YIPF4: variants seen among roughly 807,000 people sequenced by gnomAD.
YIPF4 encodes Yip1 domain family member 4, also known as protein YIPF4.
In YIPF4, 18 loss-of-function variants were observed where a neutral mutation model predicts 29.4. That is an observed-to-expected ratio of 0.61 (90% CI 0.42 to 0.91). YIPF4 has a LOEUF of 0.91. Among genes scored for constraint, YIPF4 ranks in the 40% least tolerant of loss-of-function variants. The pLI, the probability that YIPF4 is intolerant of heterozygous loss-of-function variation, is 0.00. For synonymous variants in YIPF4, 115 were observed against 104.7 expected, an observed-to-expected ratio of 1.10 and a Z score of -0.60; for missense variants, 279 against 282.7, an observed-to-expected ratio of 0.99 and a Z score of 0.09.
At chr2:32,291,548 A>T (rs2030914798) in intron 2 of YIPF4, among the ~76,000 whole-genome samples, 1 of 152,164 alleles carries the variant, frequency 6.6e-6, no homozygotes, top group Admixed American at 6.5e-5. Context: ...TTGTCTCAAA[A>T]ACAAAGAAAC....
intron 5 of YIPF4, among the ~76,000 whole-genome samples, 194 bp downstream of exon 5, chr2:32,301,689 G>T (rs1003711970): frequency 6.6e-6 from 1 of 152,036 alleles, no homozygotes; most frequent in Non-Finnish European, 1.5e-5. Context: ...AGATATTACT[G>T]TTTGTCTGGG....
rs978256043 is a variant in YIPF4 at position 32,312,687 on chromosome 2, A to G, written c.*7061A>G. On this transcript the variant is annotated 3_prime_UTR_variant, in exon 6 of 6. Transcript: ENST00000238831. ...CTGTGCTGAGTGTAGGGATACAGTGATAATGCAAAAAAGACCCCCAATAGG... is the reference window on the plus strand; with the variant it reads ...CTGTGCTGAGTGTAGGGATACAGTGGTAATGCAAAAAAGACCCCCAATAGG... 1 of 150,996 alleles carries G rather than the reference A, an allele frequency of 6.6e-6. No homozygotes were observed. Among genetic ancestry groups the G allele is most frequent in the African/African-American group, 2.4e-5 (1 of 41,020 alleles). 9.4% of individuals were successfully genotyped at this position (150,996 alleles called of 1,614,324 possible). A position where few individuals can be genotyped will look rare whatever the true frequency, so the allele number is the denominator to read the frequency against.
At chr2:32,285,064 T>A (rs1286004721) in intron 1 of YIPF4, among the ~76,000 whole-genome samples, 1 of 152,164 alleles carries the variant, frequency 6.6e-6, no homozygotes, top group Non-Finnish European at 1.5e-5. Flanking sequence ...GGGCAGTTTG[T>A]ACACCATTAT....
At chr2:32,290,685 G>A in intron 2 of YIPF4, 49 bp downstream of exon 2, 1 of 1,239,136 alleles carries the variant, frequency 8.1e-7, no homozygotes, top group Non-Finnish European at 1.0e-6. Context: ...GCTAGTCTGT[G>A]GGATGATTAT....
In YIPF4 at chr2:32,312,198, T is replaced by G. The variant is rs373298510; in HGVS notation, c.*6572T>G. The G allele has an allele frequency of 2.6e-5, 4 of 152,042 alleles. No homozygotes were observed. The East Asian group carries it at 7.7e-4, about 29-fold the overall frequency. The allele number at this position is 152,042 out of a possible 1,614,324, so 9.4% of individuals were successfully genotyped here. ...AATAAAATCTTTTACCTTATAAAAA[T>G]CTATTTTCGGCCAGGCGCGGTGGCT... On this transcript the variant is annotated 3_prime_UTR_variant, in exon 6 of 6. Coordinates refer to ENST00000238831, the MANE Select transcript of YIPF4 (RefSeq NM_032312.4).
Position 32,309,030 on chromosome 2 carries a change from C to CAAAAAAA in YIPF4, c.*3418_*3424dup, listed in dbSNP as rs1236684141. On this transcript the variant is annotated 3_prime_UTR_variant, in exon 6 of 6. Transcript: ENST00000238831. The stretch of plus-strand genomic sequence containing the variant: ...TAGGTGACAGAGTGAGACTCCGTCT[C>CAAAAAAA]AAAAAAAAAAAAAAAAAAAATCAAA... The CAAAAAAA allele has an allele frequency of 2.4e-5, 2 of 83,438 alleles. No individual in the cohort carries two copies. Among genetic ancestry groups the CAAAAAAA allele is most frequent in the Non-Finnish European group, 2.6e-5 (1 of 38,250 alleles). The allele number at this position is 83,438 out of a possible 1,614,324, so 5.2% of individuals were successfully genotyped here. A position where few individuals can be genotyped will look rare whatever the true frequency, so the allele number is the denominator to read the frequency against.
intron 3 of YIPF4, among the ~76,000 whole-genome samples, chr2:32,294,080 C>G (rs1363702616): frequency 2.7e-5 from 4 of 145,656 alleles, no homozygotes; most frequent in Non-Finnish European, 6.1e-5. Context: ...GCAGAGGCGC[C>G]CCTCACCTCC....
intron 5 of YIPF4, among the ~76,000 whole-genome samples, chr2:32,304,647 G>T (rs564724163): frequency 1.3e-5 from 2 of 152,200 alleles, no homozygotes; most frequent in African/African-American, 4.8e-5. Context: ...CAATGCACAG[G>T]ATAGCTCCCC....
intron 4 of YIPF4, among the ~76,000 whole-genome samples, chr2:32,301,135 A>T (rs1481194589): frequency 1.3e-5 from 2 of 152,190 alleles, no homozygotes; most frequent in East Asian, 1.9e-4. Flanking sequence ...GAGAGAGGTA[A>T]ATGCTGGAAA....
In YIPF4 at chr2:32,301,427, C is replaced by T. The variant is rs767705840; in HGVS notation, c.529C>T (p.Pro177Ser). ...TGGAGTTATAGGATATTCATTACTT[C>T]CTCTCATTGTAATAGCCCCTGTACT... The part of the protein sequence containing the change: ...VLGVIGYSLL[P>S]LIVIAPVLLV... The change falls in exon 5 of 6, where the codon CCT becomes TCT. Residue 177 changes from proline to serine, a missense_variant. Physicochemically the swap from Pro to Ser is moderately conservative, Grantham distance 74. Coordinates refer to ENST00000238831, the MANE Select transcript of YIPF4 (RefSeq NM_032312.4). 7 of 1,613,730 alleles carry T rather than the reference C, an allele frequency of 4.3e-6. No individual in the cohort carries two copies. In the South Asian group the frequency reaches 6.6e-5, roughly 15 times the overall value.
rs1339345590 is a variant in YIPF4 at position 32,300,786 on chromosome 2, C to T, written c.484-596C>T. Among the ~76,000 whole-genome samples, 8 of 152,186 alleles carry T rather than the reference C, an allele frequency of 5.3e-5. No homozygotes were observed. In the East Asian group the frequency reaches 1.2e-3, roughly 22 times the overall value. Reference sequence around the variant, plus strand: ...CTGACACCTTACTAGCTTTGCTTTCCGGAGCAAAGCAGTGTTTCTCTCTAA... The same window carrying T: ...CTGACACCTTACTAGCTTTGCTTTCTGGAGCAAAGCAGTGTTTCTCTCTAA... On this transcript the variant is annotated intron_variant, in intron 4 of 5. Transcript: ENST00000238831.
intron 3 of YIPF4, among the ~76,000 whole-genome samples, chr2:32,295,872 G>A (rs561186213): frequency 6.6e-6 from 1 of 152,072 alleles, no homozygotes; most frequent in African/African-American, 2.4e-5. Flanking sequence ...CAAAGTGCTG[G>A]GATTACAGGT....
chr2:32,299,132 G>T (rs1391865705), intron 4 of YIPF4, among the ~76,000 whole-genome samples: 4 of 152,130 alleles, frequency 2.6e-5, no homozygotes, highest in African/African-American at 9.6e-5. Context: ...CCTCAGCCTC[G>T]CAAAGTGCTA....
intron 5 of YIPF4, among the ~76,000 whole-genome samples, chr2:32,302,223 G>T (rs2031430921): frequency 2.0e-5 from 3 of 150,358 alleles, no homozygotes; most frequent in Non-Finnish European, 1.5e-5. Flanking sequence ...TAGAGACAGG[G>T]TTTCACCGTA....
At chr2:32,296,213 C>T (rs545500608) in intron 3 of YIPF4, among the ~76,000 whole-genome samples, 3 of 152,106 alleles carry the variant, frequency 2.0e-5, no homozygotes, top group Middle Eastern at 3.4e-3. Flanking sequence ...TACGGCTGGG[C>T]GCAGTGGCTC....
chr2:32,282,621 A>G (rs976570286), intron 1 of YIPF4, among the ~76,000 whole-genome samples: 8 of 151,962 alleles, frequency 5.3e-5, no homozygotes, highest in Non-Finnish European at 7.4e-5. Flanking sequence ...GTTAGTAGAC[A>G]CGGGGTTTCA....
chr2:32,303,988 A>G (rs922611444), intron 5 of YIPF4, among the ~76,000 whole-genome samples: 1 of 152,204 alleles, frequency 6.6e-6, no homozygotes, highest in African/African-American at 2.4e-5. Context: ...CTTTAATCAT[A>G]TAGTTATCTT....
At chr2:32,284,606 G>A (rs1463925454) in intron 1 of YIPF4, among the ~76,000 whole-genome samples, 1 of 152,152 alleles carries the variant, frequency 6.6e-6, no homozygotes, top group Non-Finnish European at 1.5e-5. Flanking sequence ...GGCATACCCA[G>A]CCATGCTTCC....
intron 5 of YIPF4, among the ~76,000 whole-genome samples, chr2:32,305,267 G>A (rs994166911): frequency 6.6e-6 from 1 of 152,164 alleles, no homozygotes; most frequent in African/African-American, 2.4e-5. Flanking sequence ...TGATTCTTAT[G>A]ATTAGACTGG....
Sources: gnomAD v4.1 joint callset for allele counts (sites outside exome capture counted in the v4.1 genomes callset) on GRCh38, gnomAD v4.1.1 for gene constraint, MANE v1.5 for transcripts, NCBI Gene and HGNC (gene_info 2026-07-23, HGNC 2026-07-21) for gene names.